Variants in ERC2 observed in about 807,000 individuals in gnomAD.
ERC2 encodes ERC protein 2.
Under a neutral mutation model 114.8 loss-of-function variants are expected in ERC2, and 42 were observed. The ratio of observed to expected loss-of-function variants is 0.37; its 90% confidence interval spans 0.29 to 0.47. The LOEUF is 0.47. Ranked by LOEUF, ERC2 falls within the 20% of genes least tolerant of loss-of-function variation. ERC2 has a pLI of 0.99. For missense variants in ERC2, 939 were observed against 1,150.7 expected, an observed-to-expected ratio of 0.82 and a Z score of 2.66; for synonymous variants, 454 against 425.5, an observed-to-expected ratio of 1.07 and a Z score of -0.82.
chr3:56,303,053 T>C (rs2055990115), intron 2 of ERC2, among the ~76,000 whole-genome samples: 3 of 152,210 alleles, frequency 2.0e-5, no homozygotes. Context: ...CTCGCCACCC[T>C]GTTTCTGGGA....
intron 17 of ERC2, among the ~76,000 whole-genome samples, chr3:55,570,509 G>C (rs1287123719): frequency 6.6e-6 from 1 of 152,150 alleles, no homozygotes; most frequent in African/African-American, 2.4e-5. Context: ...TGCAGAGGGA[G>C]GGCCAGGGGG....
chr3:55,971,811 TCA>T (rs1198827848), intron 12 of ERC2, among the ~76,000 whole-genome samples: 1 of 152,194 alleles, frequency 6.6e-6, no homozygotes. Context: ...ATAGCCAAAA[TCA>T]CCCTCCTTCT....
At chr3:55,917,230 C>A (rs762528534) in intron 13 of ERC2, among the ~76,000 whole-genome samples, 1 of 152,110 alleles carries the variant, frequency 6.6e-6, no homozygotes, top group Non-Finnish European at 1.5e-5. Flanking sequence ...CCCTTATACA[C>A]TTTCTAACAA....
intron 17 of ERC2, among the ~76,000 whole-genome samples, chr3:55,574,868 C>T (rs2056895306): frequency 1.3e-5 from 2 of 152,166 alleles, no homozygotes; most frequent in Admixed American, 1.3e-4. Context: ...CCTCTGTTTT[C>T]CTAGGGCCAG....
intron 6 of ERC2, among the ~76,000 whole-genome samples, chr3:56,132,499 T>C (rs1575536816): frequency 6.6e-6 from 1 of 152,140 alleles, no homozygotes; most frequent in Admixed American, 6.5e-5. Flanking sequence ...GAAATTATCA[T>C]TGCTGCTTCT....
chr3:56,130,899 T>G (rs2080165720), intron 6 of ERC2, among the ~76,000 whole-genome samples: 1 of 152,198 alleles, frequency 6.6e-6, no homozygotes, highest in Non-Finnish European at 1.5e-5. Context: ...TTCCGCATTC[T>G]AAGGCTCACA....
At chr3:55,782,730 C>T (rs1242955640) in intron 14 of ERC2, among the ~76,000 whole-genome samples, 3 of 152,202 alleles carry the variant, frequency 2.0e-5, no homozygotes, top group African/African-American at 7.2e-5. Flanking sequence ...ATGACAGACT[C>T]GCCTTTTCCT....
At chr3:56,208,079 C>G (rs2048847378) in intron 3 of ERC2, among the ~76,000 whole-genome samples, 1 of 152,204 alleles carries the variant, frequency 6.6e-6, no homozygotes, top group Non-Finnish European at 1.5e-5. Flanking sequence ...GTAATTTGAT[C>G]CCCAAAATGC....
At chr3:56,105,846 T>C (rs147580573) in intron 6 of ERC2, among the ~76,000 whole-genome samples, 58 of 152,270 alleles carry the variant, frequency 3.8e-4, no homozygotes, top group East Asian at 2.3e-3. Flanking sequence ...GCTAGCTAAA[T>C]AGGCATTTAA....
At chr3:56,006,033 T>C (rs770450466) in intron 10 of ERC2, among the ~76,000 whole-genome samples, 1 of 152,042 alleles carries the variant, frequency 6.6e-6, no homozygotes, top group Non-Finnish European at 1.5e-5. Flanking sequence ...AGTGAGATGA[T>C]GAGTGGATTG....
At chr3:55,846,037 C>T (rs7622795) in intron 14 of ERC2, among the ~76,000 whole-genome samples, 27,186 of 152,150 alleles carry the variant, frequency 0.18, 3,580 homozygotes, top group African/African-American at 0.37. Flanking sequence ...TGTGCAGTTT[C>T]GTTATATAGG....
chr3:55,940,211 C>T (rs548684831), intron 13 of ERC2, among the ~76,000 whole-genome samples: 8 of 152,150 alleles, frequency 5.3e-5, no homozygotes, highest in East Asian at 3.9e-4. Flanking sequence ...CATATGTGCA[C>T]CCTTCAATTA....
intron 14 of ERC2, among the ~76,000 whole-genome samples, chr3:55,756,075 G>A (rs1309091577): frequency 3.9e-5 from 6 of 152,088 alleles, no homozygotes; most frequent in Non-Finnish European, 7.4e-5. Flanking sequence ...TGAAAAATAC[G>A]TCAGGCAGAA....
At chr3:55,638,948 A>T (rs2148649080) in intron 17 of ERC2, among the ~76,000 whole-genome samples, 1 of 152,302 alleles carries the variant, frequency 6.6e-6, no homozygotes, top group African/African-American at 2.4e-5. Flanking sequence ...GGTTTCAAAG[A>T]CAATAAGATG....
rs140880848 is a variant in ERC2 at position 55,818,670 on chromosome 3, A to G, written c.2564+69719T>C. On this transcript the variant is annotated intron_variant, in intron 14 of 17. Transcript: ENST00000288221. Reference sequence around the variant, plus strand: ...CAAGATGGAGGCATTGACACCACCAACCACAGAGGGGTGCTACGTGTGTGC... The same window carrying G: ...CAAGATGGAGGCATTGACACCACCAGCCACAGAGGGGTGCTACGTGTGTGC... Among the ~76,000 whole-genome samples the G allele has an allele frequency of 1.5e-4, 23 of 152,348 alleles. 1 individual carries two copies. Among genetic ancestry groups the G allele is most frequent in the East Asian group, 5.8e-4 (3 of 5,176 alleles).
intron 7 of ERC2, among the ~76,000 whole-genome samples, chr3:56,043,234 A>C (rs2075287841): frequency 6.6e-6 from 1 of 152,210 alleles, no homozygotes. Context: ...TATGTAAAAT[A>C]TTCTAGTTTT....
At chr3:56,212,489 C>T (rs2049128361) in intron 3 of ERC2, among the ~76,000 whole-genome samples, 1 of 152,138 alleles carries the variant, frequency 6.6e-6, no homozygotes, top group Non-Finnish European at 1.5e-5. Flanking sequence ...AAAAGGAACA[C>T]TTTTACACTA....
At chr3:56,224,037 A>T (rs535612807) in intron 3 of ERC2, among the ~76,000 whole-genome samples, 1 of 152,324 alleles carries the variant, frequency 6.6e-6, no homozygotes, top group African/African-American at 2.4e-5. Context: ...AATTAGTTTC[A>T]CTAAGTAATA....
intron 5 of ERC2, 80 bp from the exon 6 acceptor site, chr3:56,139,756 C>T (rs1383352801): frequency 1.4e-6 from 2 of 1,421,224 alleles, no homozygotes; most frequent in Non-Finnish European, 1.9e-6. Flanking sequence ...TGATTTCTCT[C>T]CATTTCAGCA....
Sources: allele counts gnomAD v4.1 joint callset (sites outside exome capture counted in the v4.1 genomes callset), GRCh38; gene constraint gnomAD v4.1.1; transcripts MANE v1.5; gene names NCBI Gene and HGNC (gene_info 2026-07-23, HGNC 2026-07-21).